TLCD3B: variants seen among roughly 807,000 people sequenced by gnomAD.
The protein encoded by TLCD3B is TLC domain containing 3B.
A neutral mutation model predicts 23.0 loss-of-function variants in TLCD3B; 9 were observed. The ratio of observed to expected loss-of-function variants is 0.39; its 90% CI spans 0.24 to 0.68. TLCD3B has a LOEUF of 0.68. TLCD3B is among the 30% of genes least tolerant of loss of function. The pLI, the probability that TLCD3B is intolerant of heterozygous loss-of-function variation, is 0.44. For synonymous variants in TLCD3B, 161 were observed against 161.0 expected (o/e 1.00, Z 0.00); for missense variants, 307 against 371.8 (o/e 0.83, Z 1.43).
chr16:30,035,826 G>A (rs1481442549), upstream of TLCD3B, among the ~76,000 whole-genome samples: 1 of 148,340 alleles, frequency 6.7e-6, no homozygotes, highest in Admixed American at 6.8e-5. Context: ...GTGGTGGCGT[G>A]ATCTTGGCTC....
intron 1 of TLCD3B, among the ~76,000 whole-genome samples, chr16:30,047,837 G>A (rs1187394412): frequency 3.3e-5 from 5 of 150,186 alleles, no homozygotes; most frequent in Admixed American, 2.7e-4. Context: ...ATAGCTCACT[G>A]TAGTCTCAAA....
chr16:30,052,100 C>T (rs2071766678), intron 1 of TLCD3B, among the ~76,000 whole-genome samples: 1 of 152,134 alleles, frequency 6.6e-6, no homozygotes, highest in Admixed American at 6.6e-5. Context: ...GGCACAGTGG[C>T]TCATGCCAGT....
At chr16:30,051,887 A>G (rs1406811511) in intron 1 of TLCD3B, among the ~76,000 whole-genome samples, 3 of 152,158 alleles carry the variant, frequency 2.0e-5, no homozygotes, top group African/African-American at 4.8e-5. Flanking sequence ...AGGCAGAGGG[A>G]TCAGCAACTG....
At chr16:30,037,009 C>A (rs1230684165) in intron 3 of TLCD3B, among the ~76,000 whole-genome samples, 1 of 151,058 alleles carries the variant, frequency 6.6e-6, no homozygotes, top group South Asian at 2.1e-4. Flanking sequence ...CGCTTGAACC[C>A]GGGAGGCAGA....
At chr16:30,042,310 C>T (rs567902842) in intron 2 of TLCD3B, among the ~76,000 whole-genome samples, 133 of 152,008 alleles carry the variant, frequency 8.7e-4, no homozygotes, top group African/African-American at 3.0e-3. Context: ...ACGATCTTGT[C>T]TCACTGCAAT....
At chr16:30,044,572 A>G (rs1351336865) in intron 2 of TLCD3B, among the ~76,000 whole-genome samples, 1 of 152,170 alleles carries the variant, frequency 6.6e-6, no homozygotes, top group Non-Finnish European at 1.5e-5. Flanking sequence ...TTGGCCTCCC[A>G]ATGTGCTGGG....
upstream of TLCD3B, among the ~76,000 whole-genome samples, chr16:30,031,990 G>A (rs1019263596): frequency 6.6e-6 from 1 of 152,194 alleles, no homozygotes; most frequent in African/African-American, 2.4e-5. Context: ...CTGTTCTTCA[G>A]ACTGCCAGCC....
At position 30,026,656 on chromosome 16, in the gene TLCD3B, C is replaced by A; in HGVS notation, c.397G>T (p.Val133Leu). 2 of 1,613,882 alleles carry A rather than the reference C, an allele frequency of 1.2e-6. No homozygotes were observed. Among genetic ancestry groups the A allele is most frequent in the Non-Finnish European group, 1.7e-6 (2 of 1,180,010 alleles). ...AGCACCATGGCGGCATGGTGGAGCA[C>A]CATGAGGAACTCCTTGTGCAGGTAG... ...RGYLHKEFLM[V>L]LHHAAMVLVC... is the part of the protein sequence containing the mutation. The change falls in exon 3 of 5, where the codon GTG becomes TTG. Residue 133 changes from valine (V) to leucine (L), a missense_variant. Physicochemically the swap from Val to Leu is conservative, Grantham distance 32. Coordinates refer to ENST00000380495, the MANE Select transcript of TLCD3B (RefSeq NM_031478.6).
At chr16:30,028,304 C>A (rs1391477558) in intron 2 of TLCD3B, among the ~76,000 whole-genome samples, 1 of 152,104 alleles carries the variant, frequency 6.6e-6, no homozygotes, top group Non-Finnish European at 1.5e-5. Flanking sequence ...ACAGCTGCTG[C>A]CCTGGATTAA....
intron 1 of TLCD3B, among the ~76,000 whole-genome samples, chr16:30,047,574 G>A (rs935534850): frequency 2.0e-5 from 3 of 151,530 alleles, no homozygotes; most frequent in East Asian, 3.9e-4. Context: ...CGCCTGCCTC[G>A]GCCTCCCGCA....
upstream of TLCD3B, among the ~76,000 whole-genome samples, chr16:30,034,395 A>C (rs1240423392): frequency 5.8e-5 from 8 of 136,784 alleles, no homozygotes; most frequent in Non-Finnish European, 1.2e-4. Flanking sequence ...CAACATAGTG[A>C]GACCCTGTCT....
Position 30,027,949 on chromosome 16 carries a change from G to A in TLCD3B, c.210-1106C>T, listed in dbSNP as rs531325405. Among the ~76,000 whole-genome samples, 12 of 152,322 alleles carry A rather than the reference G, an allele frequency of 7.9e-5. No individual in the cohort carries two copies. In the East Asian group the frequency reaches 1.7e-3, roughly 22 times the overall value. The stretch of plus-strand genomic sequence containing the variant: ...TGAGGATGGGGAGCCTGAGGCAGGC[G>A]GCCTGTGAGTGGAGCCAACCCATTC... On this transcript the variant is annotated intron_variant, in intron 2 of 4. Coordinates refer to ENST00000380495, the MANE Select transcript of TLCD3B (RefSeq NM_031478.6).
upstream of TLCD3B, among the ~76,000 whole-genome samples, chr16:30,034,482 T>C (rs2071427790): frequency 6.6e-6 from 1 of 151,156 alleles, no homozygotes; most frequent in Non-Finnish European, 1.5e-5. Flanking sequence ...GGCAGGAGGA[T>C]TGCTTGAGCC....
At chr16:30,050,580 C>G (rs1472942824) in intron 1 of TLCD3B, among the ~76,000 whole-genome samples, 1 of 152,126 alleles carries the variant, frequency 6.6e-6, no homozygotes, top group Non-Finnish European at 1.5e-5. Flanking sequence ...GGAAGACAGC[C>G]TAAGAAGACA....
At position 30,051,521 on chromosome 16, in the gene TLCD3B, C is replaced by CAA. The variant is rs199594296; in HGVS notation, c.-294+1251_-294+1252dup. Among the ~76,000 whole-genome samples, 300 of 62,804 alleles carry CAA rather than the reference C, an allele frequency of 4.8e-3. 1 individual carries two copies. The highest frequency in any genetic ancestry group is 0.013 in the African/African-American group (266 of 20,576). The allele number at this position is 62,804 out of a possible 152,430, so 41.2% of individuals were successfully genotyped here. Reference sequence around the variant, plus strand: ...GGGCGACAAGAGCAAAACTCCGTTTCAAAAAAAAAAAAAAAAAAGAAAAGA... The same window carrying CAA: ...GGGCGACAAGAGCAAAACTCCGTTTCAAAAAAAAAAAAAAAAAAAAGAAAAGA... On this transcript the variant is annotated intron_variant, in intron 1 of 6. Coordinates refer to the TLCD3B transcript ENST00000561666.
upstream of TLCD3B, among the ~76,000 whole-genome samples, chr16:30,034,737 C>G (rs1251153685): frequency 6.6e-6 from 1 of 152,134 alleles, no homozygotes; most frequent in Non-Finnish European, 1.5e-5. Context: ...ATATTATCTG[C>G]AGCAGTTTTC....
chr16:30,047,361 A>G (rs2071690006), intron 1 of TLCD3B, among the ~76,000 whole-genome samples: 2 of 150,082 alleles, frequency 1.3e-5, no homozygotes. Context: ...TTCCTCTGTC[A>G]CCCAGGCTGG....
chr16:30,028,735 G>A (rs1019761728), intron 2 of TLCD3B, among the ~76,000 whole-genome samples: 2 of 152,252 alleles, frequency 1.3e-5, no homozygotes, highest in East Asian at 1.9e-4. Flanking sequence ...GAAGGGAAGC[G>A]GTGCTGAAAG....
At chr16:30,031,588 C>G (rs1484580426), upstream of TLCD3B, among the ~76,000 whole-genome samples, 2 of 152,208 alleles carry the variant, frequency 1.3e-5, no homozygotes, top group Admixed American at 1.3e-4. Context: ...AGAGAGCGTT[C>G]CCTGGGAGAG....
Sources: gnomAD v4.1 joint callset for allele counts (sites outside exome capture counted in the v4.1 genomes callset) on GRCh38, gnomAD v4.1.1 for gene constraint, MANE v1.5 for transcripts, NCBI Gene and HGNC (gene_info 2026-07-23, HGNC 2026-07-21) for gene names.